LLPH: variants seen among roughly 807,000 people sequenced by gnomAD.
The protein encoded by LLPH is protein LLP homolog.
LLPH carries 5 observed loss-of-function variants against 13.3 expected under a neutral mutation model. The observed-to-expected ratio is 0.38, with a 90% CI of 0.20 to 0.79. LLPH has a LOEUF of 0.79. Ranked by LOEUF, LLPH falls within the 30% of genes least tolerant of loss-of-function variation. The pLI is 0.45. For synonymous variants in LLPH, 32 were observed against 44.2 expected (o/e 0.72, Z 1.09); for missense variants, 129 against 152.1 (o/e 0.85, Z 0.80).
Position 66,118,886 on chromosome 12 carries a change from G to C in LLPH, c.*4954C>G, listed in dbSNP as rs1346916818. ...TGTGAAGATCCTGGCACCAATCCCC[G>C]ATAGATTCTGAAGGATAACTCTACA... On this transcript the variant is annotated 3_prime_UTR_variant, in exon 3 of 3. Transcript: ENST00000266604. The C allele has an allele frequency of 6.6e-6, 1 of 152,070 alleles. No homozygotes were observed. The highest frequency in any genetic ancestry group is 6.6e-5 in the Admixed American group (1 of 15,262). The allele number at this position is 152,070 out of a possible 1,614,324, so 9.4% of individuals were successfully genotyped here.
At chr12:66,125,323 G>C (rs1334129704) in intron 2 of LLPH, among the ~76,000 whole-genome samples, 1 of 152,090 alleles carries the variant, frequency 6.6e-6, no homozygotes, top group African/African-American at 2.4e-5. Context: ...ATGTATTTTT[G>C]GGACAATCAG....
chr12:66,117,073 T>C lies in LLPH; in HGVS notation c.*6767A>G, dbSNP rs1412958044. ...ATACATTTCAAACATGACAATTTATTACGAGGCATTTTTTTTTGGCTGAAA... is the reference window on the plus strand; with the variant it reads ...ATACATTTCAAACATGACAATTTATCACGAGGCATTTTTTTTTGGCTGAAA... On this transcript the variant is annotated 3_prime_UTR_variant, in exon 3 of 3. Coordinates refer to ENST00000266604, the MANE Select transcript of LLPH (RefSeq NM_032338.4). 6.6e-6 allele frequency: 1 copy of C among 152,210 alleles called. No homozygotes were observed. Among genetic ancestry groups the C allele is most frequent in the Non-Finnish European group, 1.5e-5 (1 of 68,024 alleles). The allele number at this position is 152,210 out of a possible 1,614,324, so 9.4% of individuals were successfully genotyped here. A position where few individuals can be genotyped will look rare whatever the true frequency, so the allele number is the denominator to read the frequency against.
rs1489306216 is a variant in LLPH, at chr12:66,119,529, A to T, written c.*4311T>A. On this transcript the variant is annotated 3_prime_UTR_variant, in exon 3 of 3. Coordinates refer to ENST00000266604, the MANE Select transcript of LLPH (RefSeq NM_032338.4). The stretch of plus-strand genomic sequence containing the variant: ...CTAAACATTTCCTTGTAAAATTGGT[A>T]TGTGTCTACTGCAACAGTGTTTTTA... 2.6e-5 allele frequency: 4 copies of T among 152,208 alleles called. No individual in the cohort carries two copies. The highest frequency in any genetic ancestry group is 2.0e-4 in the Admixed American group (3 of 15,274). 9.4% of individuals were successfully genotyped at this position (152,208 alleles called of 1,614,324 possible).
In LLPH at chr12:66,116,555, T is replaced by A. The variant is rs1038510379; in HGVS notation, c.*7285A>T. ...GCTGAAAGGTATGCAGATCACAAGA[T>A]ACATGACAAATGTACTTTATTACAT... On this transcript the variant is annotated 3_prime_UTR_variant, in exon 3 of 3. Coordinates refer to ENST00000266604, the MANE Select transcript of LLPH (RefSeq NM_032338.4). The A allele has an allele frequency of 6.6e-6, 1 of 152,232 alleles. No homozygotes were observed. The highest frequency in any genetic ancestry group is 1.5e-5 in the Non-Finnish European group (1 of 68,038). 9.4% of individuals were successfully genotyped at this position (152,232 alleles called of 1,614,324 possible).
intron 2 of LLPH, among the ~76,000 whole-genome samples, chr12:66,126,025 T>C (rs1676829287): frequency 1.3e-5 from 2 of 151,878 alleles, no homozygotes; most frequent in South Asian, 4.1e-4. Context: ...AACACAAAGC[T>C]ATGAAAAAGG....
intron 2 of LLPH, among the ~76,000 whole-genome samples, chr12:66,128,512 G>A (rs757303288): frequency 6.6e-6 from 1 of 152,104 alleles, no homozygotes; most frequent in Non-Finnish European, 1.5e-5. Flanking sequence ...CCTAGGCCCT[G>A]AGTGAACTGT....
chr12:66,123,398 T>C lies in LLPH; in HGVS notation c.*442A>G, dbSNP rs1177388915. ...CCTCGGCCTCCCAAAGTGCTGGGAT[T>C]ACAGGTGTGAGCCACCATGCCCAGC... On this transcript the variant is annotated 3_prime_UTR_variant, in exon 3 of 3. Transcript: ENST00000266604. 2 of 157,692 alleles carry C rather than the reference T, an allele frequency of 1.3e-5. No individual in the cohort carries two copies. The highest frequency in any genetic ancestry group is 6.3e-5 in the Admixed American group (1 of 15,768). The allele number at this position is 157,692 out of a possible 1,614,324, so 9.8% of individuals were successfully genotyped here. A position where few individuals can be genotyped will look rare whatever the true frequency, so the allele number is the denominator to read the frequency against.
chr12:66,124,769 A>G lies in LLPH; in HGVS notation c.212-751T>C, dbSNP rs536033705. 5.3e-5 allele frequency among the ~76,000 whole-genome samples: 8 copies of G among 152,346 alleles called. No homozygotes were observed. The South Asian group carries it at 1.7e-3, about 32-fold the overall frequency. On this transcript the variant is annotated intron_variant, in intron 2 of 2. Transcript: ENST00000266604. ...GTGTCTGGTATATAACAGCCACTCA[A>G]TAACTAGGTGTTGAATGATTATTTT... is the stretch of plus-strand genomic sequence containing the variant.
rs191884758 is a variant in LLPH at position 66,120,353 on chromosome 12, G to C, written c.*3487C>G. On this transcript the variant is annotated 3_prime_UTR_variant, in exon 3 of 3. Transcript: ENST00000266604. ...CATCCTTGAGAGGCAGAATGGCATT[G>C]TAAGAGTATAGGCTCTAGAGCCACA... is the stretch of plus-strand genomic sequence containing the variant. 2 of 152,318 alleles carry C rather than the reference G, an allele frequency of 1.3e-5. No homozygotes were observed. Among genetic ancestry groups the C allele is most frequent in the East Asian group, 3.9e-4 (2 of 5,182 alleles). 9.4% of individuals were successfully genotyped at this position (152,318 alleles called of 1,614,324 possible).
At position 66,129,062 on chromosome 12, in the gene LLPH, A is replaced by G. The variant is rs934841069; in HGVS notation, c.45T>C (p.Ala15=). The G allele has an allele frequency of 6.2e-7, 1 of 1,612,772 alleles. No individual in the cohort carries two copies. Among genetic ancestry groups the G allele is most frequent in the African/African-American group, 1.3e-5 (1 of 74,834 alleles). The change falls in exon 2 of 3, where the codon GCT becomes GCC. Residue 15 remains alanine, a synonymous_variant. Coordinates refer to ENST00000266604, the MANE Select transcript of LLPH (RefSeq NM_032338.4). ...TTGGGGCATTCTTTTTTCTCTTTTCAGCACGCATCTTTCTTTTCCACTTAC... is the reference window on the plus strand; with the variant it reads ...TTGGGGCATTCTTTTTTCTCTTTTCGGCACGCATCTTTCTTTTCCACTTAC... The part of the protein sequence containing the change: ...LRSKWKRKMR[A]EKRKKNAPKE...
Position 66,129,511 on chromosome 12 carries a change from G to C in LLPH, c.-7-398C>G, listed in dbSNP as rs532999714. Among the ~76,000 whole-genome samples the C allele has an allele frequency of 5.0e-4, 76 of 151,516 alleles. 1 individual carries two copies. In the South Asian group the frequency reaches 0.015, roughly 31 times the overall value. ...CGCCATTCTCCTGCCTCAGCCTCCC[G>C]AGCAGCTGGGACTACAGGCGCCCGC... On this transcript the variant is annotated intron_variant, in intron 1 of 2. Coordinates refer to ENST00000266604, the MANE Select transcript of LLPH (RefSeq NM_032338.4).
At chr12:66,127,785 C>T (rs534495771) in intron 2 of LLPH, among the ~76,000 whole-genome samples, 1 of 152,296 alleles carries the variant, frequency 6.6e-6, no homozygotes, top group African/African-American at 2.4e-5. Context: ...AATAAAGCAG[C>T]AGATTGAGAG....
rs34661421 is a variant in LLPH, at chr12:66,118,363, C to CAAA, written c.*5474_*5476dup. 177 of 119,658 alleles carry CAAA rather than the reference C, an allele frequency of 1.5e-3. 3 individuals carry two copies. The highest frequency in any genetic ancestry group is 3.4e-3 in the South Asian group (12 of 3,520). The allele number at this position is 119,658 out of a possible 1,614,324, so 7.4% of individuals were successfully genotyped here. A position where few individuals can be genotyped will look rare whatever the true frequency, so the allele number is the denominator to read the frequency against. On this transcript the variant is annotated 3_prime_UTR_variant, in exon 3 of 3. Coordinates refer to ENST00000266604, the MANE Select transcript of LLPH (RefSeq NM_032338.4). ...GGGCAACAAGAGTGAAACTCCGTCT[C>CAAA]AAAAAAAAAAAAAAAAAATATACAG...
intron 2 of LLPH, among the ~76,000 whole-genome samples, chr12:66,126,279 A>G (rs1350125063): frequency 1.3e-5 from 2 of 151,492 alleles, no homozygotes; most frequent in Non-Finnish European, 1.5e-5. Flanking sequence ...AGCCGAGATC[A>G]TGCCACTGCA....
intron 2 of LLPH, among the ~76,000 whole-genome samples, chr12:66,126,291 T>A (rs1341519260): frequency 8.2e-5 from 12 of 146,006 alleles, no homozygotes; most frequent in Non-Finnish European, 7.5e-5. Flanking sequence ...GCCACTGCAC[T>A]CCAGCCTGGG....
rs771767814 is a variant in LLPH at position 66,124,005 on chromosome 12, CA to C, written c.224del (p.Met75ArgfsTer13). The C allele has an allele frequency of 2.5e-3, 4,043 of 1,599,694 alleles. 7 individuals carry two copies. Among genetic ancestry groups the C allele is most frequent in the Non-Finnish European group, 3.2e-3 (3,738 of 1,174,500 alleles). On this transcript the variant is annotated frameshift_variant, in exon 3 of 3. Coordinates refer to ENST00000266604, the MANE Select transcript of LLPH (RefSeq NM_032338.4). LOFTEE classifies it high-confidence loss of function. ...TTTTGTTTCTCTTAATATCAGTCTC[CA>C]TTTTCATGTCATCTGCATAAAAAGA... ...EVKDEKDDMK[M>X]ETDIKRNKKT...
intron 1 of LLPH, among the ~76,000 whole-genome samples, chr12:66,129,390 C>CTTT (rs35029381): frequency 2.2e-4 from 31 of 143,642 alleles, no homozygotes; most frequent in Middle Eastern, 3.6e-3. Context: ...TGTCTTTTTT[C>CTTT]TTTTTTTTTT....
chr12:66,130,640 C>T (rs1199161170), intron 1 of LLPH, 65 bp downstream of exon 1: 1 of 152,310 alleles, frequency 6.6e-6, no homozygotes, highest in Non-Finnish European at 1.5e-5. Flanking sequence ...ACGAAATTCT[C>T]CAAGGGTGGC....
chr12:66,129,135 A>T (rs2051517201), intron 1 of LLPH, 22 bp from the exon 2 acceptor site: 1 of 1,451,478 alleles, frequency 6.9e-7, no homozygotes, highest in South Asian at 1.2e-5. Flanking sequence ...AAAAACACAC[A>T]TTCAAAAGCA....
Sources: allele counts gnomAD v4.1 joint callset (sites outside exome capture counted in the v4.1 genomes callset), GRCh38; gene constraint gnomAD v4.1.1; transcripts MANE v1.5; gene names NCBI Gene and HGNC (gene_info 2026-07-23, HGNC 2026-07-21).